Variants in ADGRV1 observed in about 807,000 individuals in gnomAD.
ADGRV1 encodes adhesion G protein-coupled receptor V1, also known as G-protein coupled receptor 98.
Under a neutral mutation model 596.2 loss-of-function variants are expected in ADGRV1, and 359 were observed. The observed-to-expected ratio is 0.60, with a 90% CI of 0.55 to 0.66. The LOEUF is 0.66. ADGRV1 is among the 30% of genes least tolerant of loss of function. The pLI, the probability that ADGRV1 is intolerant of heterozygous loss-of-function variation, is 0.00. For synonymous variants in ADGRV1, 2,681 were observed against 2,679.2 expected (o/e 1.00, Z -0.02); for missense variants, 7,274 against 7,575.6 (o/e 0.96, Z 1.48).
rs1773064584 is a variant in ADGRV1 at position 90,675,308 on chromosome 5, A to G, written c.5176A>G (p.Ser1726Gly). The part of the protein sequence containing the change: ...PKDAMTLPAS[S>G]VPHITVEEED... ...GGACGCAATGACCCTGCCTGCAAGC[A>G]GCGTTCCACATATCACTGTGGAGGA... is the stretch of plus-strand genomic sequence containing the variant. The change falls in exon 24 of 90, where the codon AGC becomes GGC. Residue 1726 changes from serine to glycine, a missense_variant. This residue lies in a region of ADGRV1 where 3,643 missense variants were observed against 3,809.2 expected (regional missense o/e 0.96). Transcript: ENST00000405460. 6.2e-7 allele frequency: 1 copy of G among 1,613,740 alleles called. No homozygotes were observed.
At chr5:90,759,658 T>G (rs1042989718) in intron 58 of ADGRV1, 70 bp downstream of exon 58, 2 of 1,413,396 alleles carry the variant, frequency 1.4e-6, no homozygotes, top group Admixed American at 1.9e-5. Context: ...GTAGAAAGTG[T>G]CTCACATTTT....
intron 74 of ADGRV1, among the ~76,000 whole-genome samples, chr5:90,813,161 A>AAAAAAAAAAAAAC (rs1762597331): frequency 1.1e-5 from 1 of 90,706 alleles, no homozygotes; most frequent in Non-Finnish European, 2.3e-5. Context: ...AAAAAAAAAA[A>AAAAAAAAAAAAAC]AAATTTATTT....
chr5:90,886,898 C>T (rs1159427451), intron 83 of ADGRV1, among the ~76,000 whole-genome samples: 1 of 152,148 alleles, frequency 6.6e-6, no homozygotes, highest in African/African-American at 2.4e-5. Context: ...ATGAGTTCAT[C>T]TCCTTTTTTC....
In ADGRV1 at chr5:90,627,736, T is replaced by C. The variant is rs756750210; in HGVS notation, c.1198T>C (p.Phe400Leu). Residue 400 changes from phenylalanine (F) to leucine (L), a missense_variant, in exon 7 of 90, where the codon TTT (phenylalanine) becomes CTT (leucine). Transcript: ENST00000405460. ...AGTCCTTTCATTCAACAGTGTTTTG[T>C]TTGAAAGGACAGTTATAATTGATGA... ...YGVLSFNSVL[F>L]ERTVIIDEDR... is the part of the protein sequence containing the mutation. 1.3e-6 allele frequency: 2 copies of C among 1,587,830 alleles called. No homozygotes were observed. The highest frequency in any genetic ancestry group is 1.8e-5 in the Admixed American group (1 of 55,976).
Position 90,695,473 on chromosome 5 carries a change from C to T in ADGRV1, c.7945+772C>T, listed in dbSNP as rs76572622. 5.5e-4 allele frequency among the ~76,000 whole-genome samples: 83 copies of T among 151,434 alleles called. 1 individual carries two copies. In the East Asian group the frequency reaches 0.012, roughly 21 times the overall value. On this transcript the variant is annotated intron_variant, in intron 33 of 89. Coordinates refer to ENST00000405460, the MANE Select transcript of ADGRV1 (RefSeq NM_032119.4). ...CTCATTTGGGCAGTTATATATTCCA[C>T]AAAATTTTAAAAAACATAGTGCTTT...
intron 83 of ADGRV1, among the ~76,000 whole-genome samples, chr5:90,932,963 G>A (rs1360584228): frequency 6.6e-5 from 10 of 152,148 alleles, no homozygotes; most frequent in African/African-American, 1.9e-4. Flanking sequence ...CAGGCCCCAC[G>A]TATATAATTA....
At chr5:90,705,706 C>A in intron 37 of ADGRV1, 127 bp downstream of exon 37, 1 of 702,240 alleles carries the variant, frequency 1.4e-6, no homozygotes, top group Non-Finnish European at 2.3e-6. Context: ...TCATTCAGGA[C>A]AGAACTTTAT....
intron 69 of ADGRV1, among the ~76,000 whole-genome samples, chr5:90,790,261 A>T (rs1759916738): frequency 6.6e-6 from 1 of 152,162 alleles, no homozygotes; most frequent in African/African-American, 2.4e-5. Flanking sequence ...GTATATTTAG[A>T]TAGAATGTTT....
At chr5:91,020,145 AGT>A (rs1783515856) in intron 85 of ADGRV1, among the ~76,000 whole-genome samples, 1 of 152,032 alleles carries the variant, frequency 6.6e-6, no homozygotes, top group Non-Finnish European at 1.5e-5. Context: ...ATCCGTATAA[AGT>A]TAACTGGTTT....
chr5:90,613,120 A>G (rs1477551565), intron 1 of ADGRV1, among the ~76,000 whole-genome samples: 1 of 152,044 alleles, frequency 6.6e-6, no homozygotes, highest in Non-Finnish European at 1.5e-5. Flanking sequence ...ACTCTGTCTC[A>G]CATTGCACTT....
At chr5:90,748,293 T>C (rs763324514) in intron 52 of ADGRV1, among the ~76,000 whole-genome samples, 20 of 152,208 alleles carry the variant, frequency 1.3e-4, no homozygotes, top group Non-Finnish European at 2.9e-4. Context: ...AATAGGGATA[T>C]AATGTGTGCC....
At chr5:90,664,465 T>A (rs1314443049) in intron 21 of ADGRV1, among the ~76,000 whole-genome samples, 1 of 151,172 alleles carries the variant, frequency 6.6e-6, no homozygotes, top group Non-Finnish European at 1.5e-5. Context: ...ATTGATTTTG[T>A]ATCCTGAGAC....
At chr5:90,588,649 G>A (rs1457429102) in intron 1 of ADGRV1, among the ~76,000 whole-genome samples, 1 of 152,186 alleles carries the variant, frequency 6.6e-6, no homozygotes, top group Non-Finnish European at 1.5e-5. Context: ...GAGGAGTGTG[G>A]TGTCAGGAAG....
rs1184010778 is a variant in ADGRV1 at position 91,027,144 on chromosome 5, AACACACACACACAC to A, written c.18152+41655_18152+41668del. On this transcript the variant is annotated intron_variant, in intron 85 of 89. Transcript: ENST00000405460. ...GCAACAGAGCAAAACACAGTCTCAA[AACACACACACACAC>A]ACACACACACACACACACACACACA... Among the ~76,000 whole-genome samples, 1,181 of 129,212 alleles carry A rather than the reference AACACACACACACAC, an allele frequency of 9.1e-3. 13 individuals carry two copies. The highest frequency in any genetic ancestry group is 0.013 in the Non-Finnish European group (797 of 61,266). 84.8% of individuals were successfully genotyped at this position (129,212 alleles called of 152,430 possible).
intron 74 of ADGRV1, among the ~76,000 whole-genome samples, chr5:90,813,331 A>G (rs1240948095): frequency 2.6e-5 from 4 of 152,014 alleles, no homozygotes; most frequent in African/African-American, 9.7e-5. Context: ...GTTCCAAGCC[A>G]TACTCCATTA....
chr5:91,014,529 T>C (rs1433960938), intron 85 of ADGRV1, among the ~76,000 whole-genome samples: 2 of 151,938 alleles, frequency 1.3e-5, no homozygotes, highest in African/African-American at 4.8e-5. Flanking sequence ...TTTTTTGTTT[T>C]TTTTTGGTTG....
chr5:90,845,788 T>C (rs1211306950), intron 78 of ADGRV1, among the ~76,000 whole-genome samples: 1 of 152,184 alleles, frequency 6.6e-6, no homozygotes, highest in African/African-American at 2.4e-5. Flanking sequence ...AATTATATCT[T>C]AGGGATTTGT....
intron 17 of ADGRV1, among the ~76,000 whole-genome samples, chr5:90,648,887 A>G (rs1447549591): frequency 6.6e-6 from 1 of 152,236 alleles, no homozygotes; most frequent in African/African-American, 2.4e-5. Context: ...TGGTGAATCC[A>G]TTCGTTGTTC....
intron 84 of ADGRV1, among the ~76,000 whole-genome samples, chr5:90,980,478 CATA>C (rs1407765497): frequency 6.6e-6 from 1 of 152,094 alleles, no homozygotes; most frequent in Non-Finnish European, 1.5e-5. Context: ...TAACTTTGGG[CATA>C]ATAACATTTC....
Sources: gnomAD v4.1 joint callset for allele counts (sites outside exome capture counted in the v4.1 genomes callset) on GRCh38, gnomAD v4.1.1 for gene constraint, gnomAD v4.1.1 regional missense constraint, MANE v1.5 for transcripts, NCBI Gene and HGNC (gene_info 2026-07-23, HGNC 2026-07-21) for gene names.